TPR: variants seen among roughly 807,000 people sequenced by gnomAD.
TPR encodes the protein translocated promoter region, nuclear basket protein, also known as nucleoprotein TPR.
Under a neutral mutation model 316.1 loss-of-function variants are expected in TPR, and 51 were observed. The observed-to-expected ratio is 0.16, with a 90% CI of 0.13 to 0.20. The LOEUF is 0.20. Among genes scored for constraint, TPR ranks in the 10% least tolerant of loss-of-function variants. TPR has a pLI of 1.00. For missense variants in TPR, 2,272 were observed against 2,754.8 expected (o/e 0.82, Z 3.92); for synonymous variants, 981 against 914.7 (o/e 1.07, Z -1.31).
In TPR at chr1:186,339,625, G is replaced by A; in HGVS notation, c.4151+17C>T. On this transcript the variant is annotated intron_variant, in intron 30 of 50. Transcript: ENST00000367478. ...TTCTTTTATATTATATATGATTTAA[G>A]GCTTCTTTCCATATACCTTGCAATT... 1 of 1,525,238 alleles carries A rather than the reference G, an allele frequency of 6.6e-7. No individual in the cohort carries two copies. Among genetic ancestry groups the A allele is most frequent in the Non-Finnish European group, 8.8e-7 (1 of 1,141,156 alleles). 94.5% of individuals were successfully genotyped at this position (1,525,238 alleles called of 1,614,324 possible). A position where few individuals can be genotyped will look rare whatever the true frequency, so the allele number is the denominator to read the frequency against.
Position 186,327,142 on chromosome 1 carries a change from TA to T in TPR, c.5889+317del, listed in dbSNP as rs1160344098. Among the ~76,000 whole-genome samples, 7 of 10,272 alleles carry T rather than the reference TA, an allele frequency of 6.8e-4. 1 individual carries two copies. The highest frequency in any genetic ancestry group is 1.2e-3 in the Non-Finnish European group (6 of 4,948). The allele number at this position is 10,272 out of a possible 152,430, so 6.7% of individuals were successfully genotyped here. ...AAATATATAACATATATATTATATA[TA>T]TAAATATATATAAATATATAACATA... On this transcript the variant is annotated intron_variant, in intron 40 of 50. Coordinates refer to ENST00000367478, the MANE Select transcript of TPR (RefSeq NM_003292.3).
At chr1:186,322,675 C>A (rs1022760294) in intron 43 of TPR, 89 bp from the exon 44 acceptor site, 9 of 1,313,388 alleles carry the variant, frequency 6.9e-6, no homozygotes, top group Non-Finnish European at 8.7e-6. Flanking sequence ...GCTTATTACG[C>A]TGCCAACAAA....
At chr1:186,360,635 C>A (rs1026721599) in intron 10 of TPR, 130 bp downstream of exon 10, 2 of 1,240,176 alleles carry the variant, frequency 1.6e-6, no homozygotes, top group African/African-American at 1.5e-5. Context: ...AAAACAAATT[C>A]TATTAATATA....
intron 25 of TPR, 135 bp from the exon 26 acceptor site, chr1:186,344,225 A>T (rs1403254327): frequency 7.3e-7 from 1 of 1,363,728 alleles, no homozygotes. Flanking sequence ...GCTTGAACCC[A>T]GCAGGTGGAG....
In TPR at chr1:186,312,795, A is replaced by G; in HGVS notation, c.*1176T>C. Reference sequence around the variant, plus strand: ...TGTCCTTCATAATGAAGTTAAAGTGAGTATACTGTGGAGAGGACTTCCAAA... The same window carrying G: ...TGTCCTTCATAATGAAGTTAAAGTGGGTATACTGTGGAGAGGACTTCCAAA... On this transcript the variant is annotated 3_prime_UTR_variant, in exon 51 of 51. Coordinates refer to ENST00000367478, the MANE Select transcript of TPR (RefSeq NM_003292.3). 6.2e-7 allele frequency: 1 copy of G among 1,612,882 alleles called. No individual in the cohort carries two copies. The highest frequency in any genetic ancestry group is 8.5e-7 in the Non-Finnish European group (1 of 1,178,890).
rs1277377171 is a variant in TPR at position 186,345,617 on chromosome 1, C to A, written c.3176G>T (p.Ser1059Ile). The A allele has an allele frequency of 5.0e-6, 8 of 1,613,640 alleles. No individual in the cohort carries two copies. The highest frequency in any genetic ancestry group is 6.8e-6 in the Non-Finnish European group (8 of 1,179,776). ...EALQRASTAL[S>I]NEQQARRDCQ... ...GTCACGTCTGGCTTGCTGCTCATTA[C>A]TTAAAGCTGTGCTTGCTCTCTGAAG... is the stretch of plus-strand genomic sequence containing the variant. The change falls in exon 24 of 51, where the codon AGT becomes ATT. Residue 1059 changes from serine (S) to isoleucine (I), a missense_variant. Transcript: ENST00000367478.
At chr1:186,317,652 A>G in intron 48 of TPR, 52 bp from the exon 49 acceptor site, 1 of 1,496,552 alleles carries the variant, frequency 6.7e-7, no homozygotes, top group South Asian at 1.1e-5. Flanking sequence ...AGTCAATCAT[A>G]AATTATATCC....
At chr1:186,322,819 T>G in intron 43 of TPR, 1 of 496,002 alleles carries the variant, frequency 2.0e-6, no homozygotes, top group Middle Eastern at 5.5e-4. Context: ...AACAGACCAA[T>G]TATTAACCAA....
chr1:186,322,442 A>T, intron 44 of TPR, 30 bp from the exon 45 acceptor site: 5 of 1,611,764 alleles, frequency 3.1e-6, no homozygotes, highest in African/African-American at 1.3e-5. Flanking sequence ...GTTAACAAAC[A>T]AAACACCACA....
chr1:186,337,134 G>T lies in TPR; in HGVS notation c.4385C>A (p.Ser1462Tyr), dbSNP rs752455824. The stretch of plus-strand genomic sequence containing the variant: ...ATGCTGCTCCTGATGGTCTCCAGAG[G>T]ACTGAGCCGATGTCTCCATAACCTA... ...QDKVMETSAQ[S>Y]SGDHQEQHVS... Residue 1462 changes from serine to tyrosine, a missense_variant, in exon 32 of 51, where the codon TCC becomes TAC. Coordinates refer to ENST00000367478, the MANE Select transcript of TPR (RefSeq NM_003292.3). The T allele has an allele frequency of 1.2e-6, 2 of 1,613,660 alleles. No homozygotes were observed. The highest frequency in any genetic ancestry group is 1.7e-6 in the Non-Finnish European group (2 of 1,179,762).
intron 50 of TPR, 120 bp from the exon 51 acceptor site, chr1:186,314,146 A>G: frequency 1.2e-6 from 1 of 844,384 alleles, no homozygotes. Context: ...ACTGTTGGGT[A>G]TTCTACAACT....
intron 12 of TPR, 39 bp downstream of exon 12, chr1:186,359,760 G>T (rs1415155622): frequency 4.5e-6 from 7 of 1,554,932 alleles, no homozygotes; most frequent in Non-Finnish European, 6.0e-6. Flanking sequence ...TTTCTCATTT[G>T]TATTGTTACC....
intron 32 of TPR, 33 bp downstream of exon 32, chr1:186,336,980 A>G: frequency 1.2e-6 from 2 of 1,612,696 alleles, no homozygotes; most frequent in South Asian, 2.2e-5. Context: ...ATAACAGGAA[A>G]GAATTAGGAA....
chr1:186,335,485 T>G lies in TPR; in HGVS notation c.4764A>C (p.Leu1588Phe). Residue 1588 changes from leucine to phenylalanine, a missense_variant, in exon 34 of 51, where the codon TTA (leucine) becomes TTC (phenylalanine). Around this residue, in one of 10 missense-constraint regions of TPR, gnomAD observed 109 missense variants for 215.3 expected, o/e 0.51. Transcript: ENST00000367478. ...CATCCAATTCATCTTTCTGCTGATCTAAGGCTCCATTCCTTTGTTTAAGCT... is the reference window on the plus strand; with the variant it reads ...CATCCAATTCATCTTTCTGCTGATCGAAGGCTCCATTCCTTTGTTTAAGCT... ...NEELKQRNGA[L>F]DQQKDELDVR... 1.9e-6 allele frequency: 3 copies of G among 1,613,566 alleles called. No individual in the cohort carries two copies. The highest frequency in any genetic ancestry group is 2.5e-6 in the Non-Finnish European group (3 of 1,179,652).
chr1:186,338,306 C>T, intron 30 of TPR, 63 bp from the exon 31 acceptor site: 2 of 1,359,214 alleles, frequency 1.5e-6, no homozygotes, highest in Admixed American at 2.2e-5. Flanking sequence ...AGTTTGAAGT[C>T]CAATGTAACT....
chr1:186,349,948 A>C (rs1658811446), intron 21 of TPR, among the ~76,000 whole-genome samples: 1 of 152,192 alleles, frequency 6.6e-6, no homozygotes, highest in African/African-American at 2.4e-5. Context: ...AATAATTTTT[A>C]AAGTATCAAT....
At position 186,327,042 on chromosome 1, in the gene TPR, TA is replaced by T. The variant is rs559392165; in HGVS notation, c.5889+417del. Reference sequence around the variant, plus strand: ...TATATATTATATATATAAATATATATAAATATATAACATATATATTATATAT... The same window carrying T: ...TATATATTATATATATAAATATATATAATATATAACATATATATTATATAT... On this transcript the variant is annotated intron_variant, in intron 40 of 50. Coordinates refer to ENST00000367478, the MANE Select transcript of TPR (RefSeq NM_003292.3). Among the ~76,000 whole-genome samples the T allele has an allele frequency of 1.4e-3, 60 of 43,594 alleles. 1 individual carries two copies. Among genetic ancestry groups the T allele is most frequent in the Admixed American group, 2.1e-3 (6 of 2,862 alleles). The allele number at this position is 43,594 out of a possible 152,430, so 28.6% of individuals were successfully genotyped here. A position where few individuals can be genotyped will look rare whatever the true frequency, so the allele number is the denominator to read the frequency against.
intron 49 of TPR, among the ~76,000 whole-genome samples, chr1:186,315,243 CA>C (rs941622934): frequency 1.3e-5 from 2 of 148,546 alleles, no homozygotes; most frequent in African/African-American, 2.5e-5. Flanking sequence ...AAAAAAACAC[CA>C]AAAAAAAACC....
At chr1:186,319,969 C>T (rs1571598331) in intron 46 of TPR, among the ~76,000 whole-genome samples, 2 of 152,136 alleles carry the variant, frequency 1.3e-5, no homozygotes, top group Non-Finnish European at 2.9e-5. Flanking sequence ...AAACATGCTG[C>T]ATTCCTTCCA....
Sources: allele counts gnomAD v4.1 joint callset (sites outside exome capture counted in the v4.1 genomes callset), GRCh38; gene constraint gnomAD v4.1.1; regional missense constraint gnomAD v4.1.1; transcripts MANE v1.5; gene names NCBI Gene and HGNC (gene_info 2026-07-23, HGNC 2026-07-21).